Variants in PXDC1 observed in about 807,000 individuals in gnomAD.
PXDC1 encodes PX domain containing 1.
In PXDC1, 13 loss-of-function variants were observed where a neutral mutation model predicts 24.4. The observed-to-expected ratio is 0.53, with a 90% CI of 0.35 to 0.85. PXDC1 has a LOEUF of 0.85. Among genes scored for constraint, PXDC1 ranks in the 40% least tolerant of loss-of-function variants. PXDC1 has a pLI of 0.01. For synonymous variants in PXDC1, 162 were observed against 124.9 expected (o/e 1.30, Z -1.98); for missense variants, 344 against 309.3 (o/e 1.11, Z -0.84).
At chr6:3,750,340 T>G (rs1236594732) in intron 1 of PXDC1, among the ~76,000 whole-genome samples, 7 of 152,166 alleles carry the variant, frequency 4.6e-5, no homozygotes, top group Admixed American at 3.3e-4. Flanking sequence ...ACTGTCCCAA[T>G]GTTCCGAGCT....
At chr6:3,730,605 G>GTAT (rs1760173684) in intron 3 of PXDC1, among the ~76,000 whole-genome samples, 1 of 152,206 alleles carries the variant, frequency 6.6e-6, no homozygotes, top group African/African-American at 2.4e-5. Flanking sequence ...TGCTAAGCCT[G>GTAT]TAGCCTGTGC....
chr6:3,751,260 G>A lies in PXDC1; in HGVS notation c.256+16C>T, dbSNP rs1760710032. ...TGCCTCGGCCCCGCGCCCCTCCCGC[G>A]TCCCCGGCCCCGCACCTTGCCGCAG... On this transcript the variant is annotated intron_variant, in intron 1 of 4. Transcript: ENST00000380283. 1 of 1,457,798 alleles carries A rather than the reference G, an allele frequency of 6.9e-7. No homozygotes were observed. The highest frequency in any genetic ancestry group is 9.0e-7 in the Non-Finnish European group (1 of 1,110,972). 90.3% of individuals were successfully genotyped at this position (1,457,798 alleles called of 1,614,324 possible). A position where few individuals can be genotyped will look rare whatever the true frequency, so the allele number is the denominator to read the frequency against.
rs1383240260 is a variant in PXDC1, at chr6:3,737,647, C to A, written c.348+410G>T. ...AAGGGAGTTGACGGTCAAATCCGGG[C>A]AACGTGCCCCGCTGTGCTGACGCCA... On this transcript the variant is annotated intron_variant, in intron 2 of 4. Transcript: ENST00000380283. The surrounding 1 kb of genome is among the most constrained non-coding windows in gnomAD (Gnocchi z 5.5). 3 of 985,230 alleles carry A rather than the reference C, an allele frequency of 3.0e-6. No homozygotes were observed. The Admixed American group carries it at 1.8e-4, about 61-fold the overall frequency. The allele number at this position is 985,230 out of a possible 1,614,324, so 61.0% of individuals were successfully genotyped here.
intron 3 of PXDC1, 149 bp downstream of exon 3, chr6:3,736,930 A>G: frequency 1.5e-6 from 1 of 673,372 alleles, no homozygotes; most frequent in Non-Finnish European, 2.7e-6. Flanking sequence ...GAATCAGGCA[A>G]CAGTCTCTCC....
intron 1 of PXDC1, chr6:3,751,024 G>A (rs1211738057): frequency 2.2e-6 from 1 of 451,094 alleles, no homozygotes; most frequent in Non-Finnish European, 3.9e-6. Context: ...CCGCCCTGCC[G>A]GCCTCGGCCC....
rs1419622671 is a variant in PXDC1 at position 3,737,184 on chromosome 6, C to T, written c.361G>A (p.Glu121Lys). ...CTTTCGAAGAAGGTGAGCACAACTTCCGATCTAGAATACTGGGGAGAAATG... is the reference window on the plus strand; with the variant it reads ...CTTTCGAAGAAGGTGAGCACAACTTTCGATCTAGAATACTGGGGAGAAATG... The part of the protein sequence containing the change: ...ISMPCKYSRS[E>K]VVLTFFERSP... Residue 121 changes from glutamate (E) to lysine (K), a missense_variant, in exon 3 of 5, where the codon GAA becomes AAA. Physicochemically the swap from Glu to Lys is moderately conservative, Grantham distance 56 (BLOSUM62 1). Transcript: ENST00000380283. This position sits in a 1 kb window ranked among gnomAD's most constrained non-coding sequence, Gnocchi z 5.5. 1.2e-6 allele frequency: 2 copies of T among 1,607,320 alleles called. No individual in the cohort carries two copies. The highest frequency in any genetic ancestry group is 1.7e-6 in the Non-Finnish European group (2 of 1,173,872).
At chr6:3,729,191 T>G (rs1306147568) in intron 3 of PXDC1, among the ~76,000 whole-genome samples, 2 of 152,156 alleles carry the variant, frequency 1.3e-5, no homozygotes, top group Non-Finnish European at 2.9e-5. Flanking sequence ...TTCATTCCCG[T>G]GTATGGATTT....
chr6:3,735,407 C>G lies in PXDC1; in HGVS notation c.466+1672G>C, dbSNP rs143892047. 3.9e-3 allele frequency among the ~76,000 whole-genome samples: 596 copies of G among 152,288 alleles called. 4 individuals are homozygous for G. Among genetic ancestry groups the G allele is most frequent in the African/African-American group, 0.014 (572 of 41,552 alleles). On this transcript the variant is annotated intron_variant, in intron 3 of 4. Transcript: ENST00000380283. ...GAGTAAAGGAAATGTGGTACATATG[C>G]ACAACGGAATACTATTCAGCCATTA...
rs181204654 is a variant in PXDC1 at position 3,735,617 on chromosome 6, C to T, written c.466+1462G>A. Reference sequence around the variant, plus strand: ...TTACCAGAGGCTGGGGAGGGGCCAGCGGTGGACAGGGAAAGGCTGGTCAGT... The same window carrying T: ...TTACCAGAGGCTGGGGAGGGGCCAGTGGTGGACAGGGAAAGGCTGGTCAGT... On this transcript the variant is annotated intron_variant, in intron 3 of 4. Coordinates refer to ENST00000380283, the MANE Select transcript of PXDC1 (RefSeq NM_183373.4). 6.3e-4 allele frequency among the ~76,000 whole-genome samples: 96 copies of T among 152,218 alleles called. 1 individual carries two copies. Among genetic ancestry groups the T allele is most frequent in the Non-Finnish European group, 1.2e-3 (83 of 68,018 alleles).
chr6:3,737,569 C>G lies in PXDC1; in HGVS notation c.349-373G>C, dbSNP rs887260512. ...GAGCTAAGGAGGTCTGCCTGGCGCT[C>G]AAGTCCAGGTTCTTAACCACCACTC... is the stretch of plus-strand genomic sequence containing the variant. On this transcript the variant is annotated intron_variant, in intron 2 of 4. Transcript: ENST00000380283. This position sits in a 1 kb window ranked among gnomAD's most constrained non-coding sequence, Gnocchi z 5.5. 2.7e-6 allele frequency: 2 copies of G among 736,020 alleles called. No individual in the cohort carries two copies. The highest frequency in any genetic ancestry group is 3.8e-5 in the African/African-American group (2 of 52,356). The allele number at this position is 736,020 out of a possible 1,614,324, so 45.6% of individuals were successfully genotyped here.
chr6:3,743,365 G>A (rs1303221504), intron 1 of PXDC1, among the ~76,000 whole-genome samples: 1 of 152,074 alleles, frequency 6.6e-6, no homozygotes, highest in African/African-American at 2.4e-5. Context: ...AACAAACTGA[G>A]TCAAACCATA....
chr6:3,730,474 G>A (rs1281462572), intron 3 of PXDC1, among the ~76,000 whole-genome samples: 1 of 151,276 alleles, frequency 6.6e-6, no homozygotes, highest in East Asian at 1.9e-4. Flanking sequence ...TAACAAACAA[G>A]TCCTAAGAAA....
chr6:3,741,919 T>A (rs935346925), intron 1 of PXDC1, among the ~76,000 whole-genome samples: 24 of 151,652 alleles, frequency 1.6e-4, no homozygotes, highest in Non-Finnish European at 3.2e-4. Flanking sequence ...AAACACTTTT[T>A]AAAAAAAAAC....
rs914056858 is a variant in PXDC1 at position 3,724,177 on chromosome 6, C to T, written c.579-441G>A. Among the ~76,000 whole-genome samples the T allele has an allele frequency of 2.0e-5, 3 of 152,110 alleles. No homozygotes were observed. The highest frequency in any genetic ancestry group is 7.2e-5 in the African/African-American group (3 of 41,420). On this transcript the variant is annotated intron_variant, in intron 4 of 4. Transcript: ENST00000380283. This position sits in a 1 kb window ranked among gnomAD's most constrained non-coding sequence, Gnocchi z 4.5. ...GCAGCAGAGATGACACACGGACGCA[C>T]AGGAGGCTGCGAGGGAACAGGAGGC... is the stretch of plus-strand genomic sequence containing the variant.
In PXDC1 at chr6:3,728,333, T is replaced by A. The variant is rs957894527; in HGVS notation, c.467-671A>T. On this transcript the variant is annotated intron_variant, in intron 3 of 4. Transcript: ENST00000380283. The surrounding 1 kb of genome is among the most constrained non-coding windows in gnomAD (Gnocchi z 4.0). Reference sequence around the variant, plus strand: ...TCATTCTTATGCCTTCGCATCCTCATAGCTTAGCTCCCACTTCTAAGTGAG... The same window carrying A: ...TCATTCTTATGCCTTCGCATCCTCAAAGCTTAGCTCCCACTTCTAAGTGAG... 2.0e-5 allele frequency among the ~76,000 whole-genome samples: 3 copies of A among 152,240 alleles called. No homozygotes were observed. The highest frequency in any genetic ancestry group is 2.9e-5 in the Non-Finnish European group (2 of 68,040).
intron 1 of PXDC1, among the ~76,000 whole-genome samples, chr6:3,750,145 T>C (rs1441857232): frequency 1.3e-5 from 2 of 152,194 alleles, no homozygotes; most frequent in South Asian, 4.1e-4. Context: ...AAGCTAATTA[T>C]CCACGTAATT....
Position 3,737,872 on chromosome 6 carries a change from TCTC to T in PXDC1, c.348+182_348+184del. ...CACTGGAGCCCATGAAAGCCTTCTT[TCTC>T]CTGATTACACCTGCACACCTCCACT... On this transcript the variant is annotated intron_variant, in intron 2 of 4. Coordinates refer to ENST00000380283, the MANE Select transcript of PXDC1 (RefSeq NM_183373.4). The surrounding 1 kb of genome is among the most constrained non-coding windows in gnomAD (Gnocchi z 5.5). 4.0e-6 allele frequency: 1 copy of T among 252,294 alleles called. No homozygotes were observed. Among genetic ancestry groups the T allele is most frequent in the Non-Finnish European group, 6.3e-6 (1 of 159,666 alleles). 15.6% of individuals were successfully genotyped at this position (252,294 alleles called of 1,614,324 possible).
At chr6:3,739,006 C>A in intron 1 of PXDC1, 1 of 1,256,760 alleles carries the variant, frequency 8.0e-7, no homozygotes, top group Non-Finnish European at 1.0e-6. Flanking sequence ...GCTTAAGTGC[C>A]AGAACTATTA....
chr6:3,746,401 A>G (rs930770374), intron 1 of PXDC1, among the ~76,000 whole-genome samples: 2 of 152,354 alleles, frequency 1.3e-5, no homozygotes, highest in African/African-American at 4.8e-5. Context: ...GGCCGCGTGA[A>G]GGTGGGTGGC....
Sources: gnomAD v4.1 joint callset for allele counts (sites outside exome capture counted in the v4.1 genomes callset) on GRCh38, gnomAD v4.1.1 for gene constraint, Gnocchi (gnomAD v3.1) non-coding constraint, MANE v1.5 for transcripts, NCBI Gene and HGNC (gene_info 2026-07-23, HGNC 2026-07-21) for gene names.